GAB3: variants seen among roughly 807,000 people sequenced by gnomAD.
GAB3 encodes the protein GRB2-associated-binding protein 3.
In GAB3, 12 loss-of-function variants were observed where a neutral mutation model predicts 40.4. That is an observed-to-expected ratio of 0.30 (90% confidence interval 0.19 to 0.48). GAB3 has a LOEUF of 0.48. Among genes scored for constraint, GAB3 ranks in the 20% least tolerant of loss-of-function variants. The pLI is 0.99. For synonymous variants in GAB3, 154 were observed against 176.7 expected (o/e 0.87, Z 1.02); for missense variants, 381 against 461.9 (o/e 0.82, Z 1.61).
Position 154,680,238 on chromosome X carries a change from C to T in GAB3, c.1541G>A (p.Arg514Gln), listed in dbSNP as rs192362004. Residue 514 changes from arginine (R) to glutamine (Q), a missense_variant, in exon 9 of 10, where the codon CGA becomes CAA. Transcript: ENST00000424127. ...EESYIEMEEH[R>Q]TASSLSSGAL... The stretch of plus-strand genomic sequence containing the variant: ...ACCACTGCTCAGGGAACTGGCTGTT[C>T]GGTGCTCCTCCTAGGAACCAACATC... 15 of 1,193,595 alleles carry T rather than the reference C, an allele frequency of 1.3e-5. No homozygotes were observed. The highest frequency in any genetic ancestry group is 2.2e-5 in the Admixed American group (1 of 45,160).
intron 2 of GAB3, among the ~76,000 whole-genome samples, chrX:154,715,820 T>A (rs1337835022): frequency 8.9e-6 from 1 of 112,509 alleles, no homozygotes; most frequent in African/African-American, 3.2e-5. Flanking sequence ...ATGCTCAGTG[T>A]GCTCATGGAC....
chrX:154,708,159 C>G (rs1298558295), intron 4 of GAB3, among the ~76,000 whole-genome samples: 2 of 111,684 alleles, frequency 1.8e-5, no homozygotes, highest in African/African-American at 3.2e-5. Flanking sequence ...GTTGGGAAAA[C>G]TGGATATCCA....
At chrX:154,717,380 T>TG (rs1477612056) in intron 1 of GAB3, among the ~76,000 whole-genome samples, 28 of 108,298 alleles carry the variant, frequency 2.6e-4, no homozygotes, top group Non-Finnish European at 3.6e-4. Flanking sequence ...GGAGATGGAG[T>TG]GGGGGGTGGG....
Position 154,712,216 on chromosome X carries a change from A to G in GAB3, c.1069+13T>C. The G allele has an allele frequency of 8.8e-7, 1 of 1,141,328 alleles. No homozygotes were observed. Among genetic ancestry groups the G allele is most frequent in the Non-Finnish European group, 1.2e-6 (1 of 845,800 alleles). 94.1% of individuals were successfully genotyped at this position (1,141,328 alleles called of 1,213,427 possible). A position where few individuals can be genotyped will look rare whatever the true frequency, so the allele number is the denominator to read the frequency against. On this transcript the variant is annotated intron_variant, in intron 4 of 9. Coordinates refer to ENST00000424127, the MANE Select transcript of GAB3 (RefSeq NM_001081573.3). Reference sequence around the variant, plus strand: ...GTTTTCTTGGCGCCTGAATCTTAGGACCCAACACTTACCTTTCCAGGTTCT... The same window carrying G: ...GTTTTCTTGGCGCCTGAATCTTAGGGCCCAACACTTACCTTTCCAGGTTCT...
rs782516492 is a variant in GAB3 at position 154,699,506 on chromosome X, C to T, written c.1133G>A (p.Arg378Lys). The change falls in exon 6 of 10, where the codon AGG becomes AAG. Residue 378 changes from arginine to lysine, a missense_variant. Physicochemically the swap from Arg to Lys is conservative, Grantham distance 26 (BLOSUM62 2). Coordinates refer to ENST00000424127, the MANE Select transcript of GAB3 (RefSeq NM_001081573.3). Reference sequence around the variant, plus strand: ...AGCTGTGGGGTACATCGGGGAGAACCTGCATGGCTGCAAAAGAATAGATAC... The same window carrying T: ...AGCTGTGGGGTACATCGGGGAGAACTTGCATGGCTGCAAAAGAATAGATAC... ...DKRLSLNLPC[R>K]FSPMYPTASA... is the part of the protein sequence containing the mutation. 3.3e-5 allele frequency: 40 copies of T among 1,203,767 alleles called. No individual in the cohort carries two copies. In the South Asian group the frequency reaches 6.0e-4, roughly 18 times the overall value.
In GAB3 at chrX:154,700,075, C is replaced by T; in HGVS notation, c.1070-16G>A. On this transcript the variant is annotated splice_polypyrimidine_tract_variant and intron_variant, in intron 4 of 9. Coordinates refer to ENST00000424127, the MANE Select transcript of GAB3 (RefSeq NM_001081573.3). ...TCTACATCAGCTGCAAGAAATAAGC[C>T]AAGGTGGTGAGAAATGCAGAACAAT... The T allele has an allele frequency of 8.4e-7, 1 of 1,187,476 alleles. No individual in the cohort carries two copies. The highest frequency in any genetic ancestry group is 1.1e-6 in the Non-Finnish European group (1 of 875,383).
chrX:154,709,632 G>GTCCATTCTC (rs1269258580), intron 4 of GAB3, among the ~76,000 whole-genome samples: 1 of 109,333 alleles, frequency 9.1e-6, no homozygotes, highest in East Asian at 2.9e-4. Flanking sequence ...TAGTTCTTTA[G>GTCCATTCTC]TCCATTCTCA....
At chrX:154,711,939 C>A (rs2070955175) in intron 4 of GAB3, among the ~76,000 whole-genome samples, 1 of 111,816 alleles carries the variant, frequency 8.9e-6, no homozygotes, top group Non-Finnish European at 1.9e-5. Flanking sequence ...GGTGGTCAGG[C>A]TCAAAGGAGG....
chrX:154,713,276 G>A lies in GAB3; in HGVS notation c.527C>T (p.Ser176Leu), dbSNP rs1298995677. 1 of 1,210,678 alleles carries A rather than the reference G, an allele frequency of 8.3e-7. No individual in the cohort carries two copies. The highest frequency in any genetic ancestry group is 1.7e-5 in the African/African-American group (1 of 57,605). ...AVATEETRSE[S>L]ELLFLPDYLV... ...ATAATCTGGAAGGAAGAGAAGCTCT[G>A]ACTCACTTCTGGTTTCCTCAGTGGC... Residue 176 changes from serine (S) to leucine (L), a missense_variant, in exon 3 of 10, where the codon TCA becomes TTA. Physicochemically the swap from Ser to Leu is moderately radical, Grantham distance 145. Coordinates refer to ENST00000424127, the MANE Select transcript of GAB3 (RefSeq NM_001081573.3).
intron 1 of GAB3, among the ~76,000 whole-genome samples, chrX:154,729,090 G>A (rs986231337): frequency 3.6e-5 from 4 of 111,821 alleles, no homozygotes; most frequent in African/African-American, 1.3e-4. Context: ...GAGGGAACTG[G>A]GGGGAAAAGG....
intron 1 of GAB3, among the ~76,000 whole-genome samples, chrX:154,747,484 CTAAATATAAAATATA>C (rs1213064961): frequency 3.6e-5 from 4 of 111,879 alleles, no homozygotes; most frequent in African/African-American, 1.3e-4. Flanking sequence ...TATAAAATAT[CTAAATATAAAATATA>C]AAATTATAAA....
intron 4 of GAB3, among the ~76,000 whole-genome samples, chrX:154,702,141 T>C (rs1256010284): frequency 1.8e-5 from 2 of 112,318 alleles, no homozygotes; most frequent in African/African-American, 6.5e-5. Context: ...CCAAACAGCA[T>C]GGTGCTGGCA....
At position 154,720,138 on chromosome X, in the gene GAB3, A is replaced by G. The variant is rs142026581; in HGVS notation, c.73-3809T>C. ...CACAAATACCTACCATTGTGTTACA[A>G]TTGCCTACAGTATTCAATATAGTAC... On this transcript the variant is annotated intron_variant, in intron 1 of 9. Coordinates refer to ENST00000424127, the MANE Select transcript of GAB3 (RefSeq NM_001081573.3). Among the ~76,000 whole-genome samples the G allele has an allele frequency of 6.8e-3, 758 of 110,780 alleles. 7 individuals carry two copies. The highest frequency in any genetic ancestry group is 0.023 in the African/African-American group (707 of 30,380).
chrX:154,725,067 G>A (rs1509789), intron 1 of GAB3, among the ~76,000 whole-genome samples: 3,995 of 111,669 alleles, frequency 0.036, 188 homozygotes, highest in African/African-American at 0.12. Flanking sequence ...AAGACATCGT[G>A]AAAAGACACA....
chrX:154,699,952 A>G, intron 5 of GAB3, 52 bp downstream of exon 5: 1 of 983,838 alleles, frequency 1.0e-6, no homozygotes, highest in African/African-American at 1.9e-5. Context: ...TACATAGATC[A>G]AGCTGTTTTT....
intron 4 of GAB3, among the ~76,000 whole-genome samples, chrX:154,710,527 C>T (rs782686732): frequency 7.2e-5 from 8 of 111,616 alleles, no homozygotes; most frequent in African/African-American, 2.6e-4. Context: ...GCAGAGGGGG[C>T]GCTGGAGAGC....
At chrX:154,742,063 A>C (rs782281945) in intron 1 of GAB3, among the ~76,000 whole-genome samples, 7 of 112,487 alleles carry the variant, frequency 6.2e-5, no homozygotes, top group African/African-American at 2.3e-4. Flanking sequence ...AACCAACCAC[A>C]AATTGAAATT....
chrX:154,699,685 C>A (rs1298129331), intron 5 of GAB3, among the ~76,000 whole-genome samples, 172 bp from the exon 6 acceptor site: 2 of 112,407 alleles, frequency 1.8e-5, no homozygotes. Flanking sequence ...CTGGACTTAT[C>A]GTTTTAGTAT....
intron 8 of GAB3, among the ~76,000 whole-genome samples, chrX:154,690,398 A>C (rs1391511094): frequency 1.8e-5 from 2 of 112,349 alleles, no homozygotes; most frequent in African/African-American, 6.5e-5. Flanking sequence ...AATGGCAACC[A>C]AAGCCAAAAT....
Sources: gnomAD v4.1 joint callset for allele counts (sites outside exome capture counted in the v4.1 genomes callset) on GRCh38, gnomAD v4.1.1 for gene constraint, MANE v1.5 for transcripts, NCBI Gene and HGNC (gene_info 2026-07-23, HGNC 2026-07-21) for gene names.